Variants in P3H1 observed in about 807,000 individuals in gnomAD.
P3H1 encodes prolyl 3-hydroxylase 1.
Under a neutral mutation model 84.0 loss-of-function variants are expected in P3H1, and 69 were observed. The ratio of observed to expected loss-of-function variants is 0.82; its 90% CI spans 0.68 to 1.00. P3H1 has a LOEUF of 1.00. Ranked by LOEUF, P3H1 falls within the 50% of genes least tolerant of loss-of-function variation. The pLI, the probability that P3H1 is intolerant of heterozygous loss-of-function variation, is 0.00. For synonymous variants in P3H1, 366 were observed against 388.8 expected, an observed-to-expected ratio of 0.94 and a Z score of 0.69; for missense variants, 878 against 962.8, an observed-to-expected ratio of 0.91 and a Z score of 1.17.
chr1:42,759,429 G>GGGTTCCTCCTCT, intron 2 of P3H1, 39 bp from the exon 3 acceptor site: 1 of 1,589,080 alleles, frequency 6.3e-7, no homozygotes, highest in Non-Finnish European at 8.6e-7. Context: ...AGGCCACAGA[G>GGGTTCCTCCTCT]GAGGAACCCT....
intron 12 of P3H1, 93 bp downstream of exon 12, chr1:42,748,107 G>T: frequency 1.1e-6 from 1 of 895,828 alleles, no homozygotes; most frequent in Non-Finnish European, 1.8e-6. Flanking sequence ...CAACCAGTGT[G>T]TGTGTGCTAG....
intron 2 of P3H1, chr1:42,761,918 A>ATTTTTTTAT (rs1652739444): frequency 4.8e-6 from 1 of 209,836 alleles, no homozygotes; most frequent in Admixed American, 5.3e-5. Flanking sequence ...AAAAATGCAT[A>ATTTTTTTAT]CATGATATAA....
chr1:42,767,001 C>G lies in P3H1; in HGVS notation c.-30G>C, dbSNP rs754839394. ...CCCTCAGACCTAACGGAACCGCCAG[C>G]CACCCGCCACCAAGGCCGGAGTCCT... is the stretch of plus-strand genomic sequence containing the variant. On this transcript the variant is annotated 5_prime_UTR_variant, in exon 1 of 15. Coordinates refer to ENST00000296388, the MANE Select transcript of P3H1 (RefSeq NM_022356.4). 4.4e-6 allele frequency: 7 copies of G among 1,598,284 alleles called. No individual in the cohort carries two copies. Among genetic ancestry groups the G allele is most frequent in the African/African-American group, 1.3e-5 (1 of 74,832 alleles).
chr1:42,747,604 G>A lies in P3H1; in HGVS notation c.1914+119C>T. On this transcript the variant is annotated intron_variant, in intron 13 of 14. Transcript: ENST00000296388. ...ACGTCTCAAAGCCCCTCTGGATGGG[G>A]GAAGGGTACCGCCCACTGGGAAGCC... is the stretch of plus-strand genomic sequence containing the variant. The A allele has an allele frequency of 3.3e-6, 4 of 1,195,910 alleles. No homozygotes were observed. The South Asian group carries it at 3.6e-5, about 11-fold the overall frequency. 74.1% of individuals were successfully genotyped at this position (1,195,910 alleles called of 1,614,324 possible).
intron 3 of P3H1, 31 bp from the exon 4 acceptor site, chr1:42,759,014 T>C (rs781538347): frequency 1.2e-6 from 2 of 1,613,832 alleles, no homozygotes; most frequent in Admixed American, 1.7e-5. Flanking sequence ...GGAATAACTA[T>C]GAGGTCACTC....
intron 1 of P3H1, among the ~76,000 whole-genome samples, chr1:42,766,007 TCCC>T (rs747617057): frequency 1.7e-5 from 2 of 117,656 alleles, no homozygotes; most frequent in Non-Finnish European, 3.6e-5. Context: ...AGCCAGAGGG[TCCC>T]CCCCCCGCCC....
Position 42,746,480 on chromosome 1 carries a change from T to C in P3H1, c.*217A>G. The C allele has an allele frequency of 1.7e-6, 1 of 592,644 alleles. No individual in the cohort carries two copies. Among genetic ancestry groups the C allele is most frequent in the Non-Finnish European group, 3.0e-6 (1 of 333,016 alleles). 36.7% of individuals were successfully genotyped at this position (592,644 alleles called of 1,614,324 possible). ...GGAGGCCCCTGGGGGTGGCTGGGCC[T>C]GTGTCCTGAGCCCTCAGCCAGATCC... is the stretch of plus-strand genomic sequence containing the variant. On this transcript the variant is annotated 3_prime_UTR_variant, in exon 15 of 15. Coordinates refer to ENST00000296388, the MANE Select transcript of P3H1 (RefSeq NM_022356.4).
chr1:42,753,694 G>A (rs1159467947), intron 8 of P3H1, among the ~76,000 whole-genome samples: 2 of 152,136 alleles, frequency 1.3e-5, no homozygotes, highest in African/African-American at 2.4e-5. Flanking sequence ...AGGCCAGGGC[G>A]GGTGGATCAC....
Position 42,759,369 on chromosome 1 carries a change from G to A in P3H1, c.640C>T (p.Arg214Ter), listed in dbSNP as rs200899260. Residue 214 changes from arginine (R) to a stop codon, truncating the protein, a stop_gained, in exon 3 of 15, where the codon CGA (arginine) becomes TGA (stop). Coordinates refer to ENST00000296388, the MANE Select transcript of P3H1 (RefSeq NM_022356.4). LOFTEE classifies it high-confidence loss of function. ...PHMQEFRLGV[R>*]LYSEEQPQEA... ...TGTGGCTGTTCCTCTGAGTAGAGTC[G>A]CACTCCCAGTCGAAATTCTTGCTAC... 2.7e-5 allele frequency: 43 copies of A among 1,614,096 alleles called. No individual in the cohort carries two copies. The highest frequency in any genetic ancestry group is 6.6e-5 in the South Asian group (6 of 91,076).
At position 42,758,850 on chromosome 1, in the gene P3H1, A is replaced by G; in HGVS notation, c.940+2T>C. 2 of 1,614,126 alleles carry G rather than the reference A, an allele frequency of 1.2e-6. No homozygotes were observed. The highest frequency in any genetic ancestry group is 1.7e-6 in the Non-Finnish European group (2 of 1,179,956). On this transcript the variant is annotated splice_donor_variant, in intron 4 of 14. Coordinates refer to ENST00000296388, the MANE Select transcript of P3H1 (RefSeq NM_022356.4). LOFTEE classifies it high-confidence loss of function. ...AGAAAGAGGAAGGAAAGTAGGCCTT[A>G]CTGTTATAGTAGGCAAACTGCAGAT...
rs1193316188 is a variant in P3H1 at position 42,762,425 on chromosome 1, G to T, written c.516C>A (p.Gly172=). ...AVAAAHTFFV[G]NPEHMEMQQN... is the part of the protein sequence containing the mutation. ...GCTGCATTTCCATGTGCTCAGGATT[G>T]CCCACGAAGAAGGTGTGTGCTGCAG... is the stretch of plus-strand genomic sequence containing the variant. Residue 172 remains glycine, a synonymous_variant, in exon 2 of 15, where the codon GGC becomes GGA. Coordinates refer to ENST00000296388, the MANE Select transcript of P3H1 (RefSeq NM_022356.4). The T allele has an allele frequency of 8.7e-6, 14 of 1,613,958 alleles. No individual in the cohort carries two copies. Among genetic ancestry groups the T allele is most frequent in the Middle Eastern group, 3.3e-4 (2 of 6,082 alleles).
intron 1 of P3H1, among the ~76,000 whole-genome samples, chr1:42,763,616 G>A (rs181883241): frequency 1.4e-5 from 2 of 141,586 alleles, no homozygotes; most frequent in Admixed American, 7.5e-5. Context: ...AGGTTACAGC[G>A]AGCCGAGATC....
rs756516982 is a variant in P3H1 at position 42,746,766 on chromosome 1, C to G, written c.2142G>C (p.Gln714His). The change falls in exon 15 of 15, where the codon CAG (glutamine) becomes CAC (histidine). Residue 714 changes from glutamine to histidine, a missense_variant. Transcript: ENST00000296388. The stretch of plus-strand genomic sequence containing the variant: ...CTTGTGCAGGTTCGGGGGGGCCCTG[C>G]TGGGCATCCAGGGGCTGCTCCTGGG... ...DLSQEQPLDA[Q>H]QGPPEPAQES... 1 of 1,559,438 alleles carries G rather than the reference C, an allele frequency of 6.4e-7. No individual in the cohort carries two copies. The highest frequency in any genetic ancestry group is 8.7e-7 in the Non-Finnish European group (1 of 1,151,470).
chr1:42,750,649 C>CG (rs1170151221), intron 10 of P3H1, among the ~76,000 whole-genome samples: 319 of 25,002 alleles, frequency 0.013, 55 homozygotes, highest in African/African-American at 0.025. Flanking sequence ...GGGAGGGAGG[C>CG]CGGGGGGGGT....
chr1:42,763,471 A>G (rs1652823866), intron 1 of P3H1, among the ~76,000 whole-genome samples: 1 of 151,834 alleles, frequency 6.6e-6, no homozygotes, highest in African/African-American at 2.4e-5. Context: ...CAGGAGTTTG[A>G]GACCAGCCTG....
chr1:42,751,123 G>C (rs1251155312), intron 10 of P3H1, among the ~76,000 whole-genome samples: 1 of 139,252 alleles, frequency 7.2e-6, no homozygotes, highest in Non-Finnish European at 1.5e-5. Context: ...TTGTGGAATA[G>C]AAAGGCGGGA....
intron 2 of P3H1, chr1:42,761,003 GCT>G (rs1652682923): frequency 2.3e-5 from 2 of 85,700 alleles, no homozygotes; most frequent in African/African-American, 8.9e-5. Context: ...TTTGACTGTT[GCT>G]CTGTCACCCA....
At position 42,755,546 on chromosome 1, in the gene P3H1, A is replaced by G. The variant is rs72659352; in HGVS notation, c.1170+2T>C. ...CCTTCCGGCTCCTGTACCCTAGCTC[A>G]CCGGATCCACAAAGGGAATTCCAAA... On this transcript the variant is annotated splice_donor_variant, in intron 6 of 14. Coordinates refer to ENST00000296388, the MANE Select transcript of P3H1 (RefSeq NM_022356.4). LOFTEE classifies it high-confidence loss of function. 7.4e-6 allele frequency: 12 copies of G among 1,611,994 alleles called. No individual in the cohort carries two copies. The highest frequency in any genetic ancestry group is 1.0e-5 in the Non-Finnish European group (12 of 1,178,290).
intron 10 of P3H1, among the ~76,000 whole-genome samples, chr1:42,750,802 C>T (rs1367725462): frequency 6.8e-6 from 1 of 148,048 alleles, no homozygotes; most frequent in Non-Finnish European, 1.5e-5. Flanking sequence ...CCAGCCGCCC[C>T]GTCCGGGAGG....
Sources: allele counts gnomAD v4.1 joint callset (sites outside exome capture counted in the v4.1 genomes callset), GRCh38; gene constraint gnomAD v4.1.1; transcripts MANE v1.5; gene names NCBI Gene and HGNC (gene_info 2026-07-23, HGNC 2026-07-21).